The following FHIT variants were observed in gnomAD, a reference collection of about 807,000 sequenced individuals.
FHIT encodes the protein bis(5'-adenosyl)-triphosphatase.
FHIT carries 19 observed loss-of-function variants against 17.9 expected under a neutral mutation model. That is an observed-to-expected ratio of 1.06 (90% confidence interval 0.74 to 1.56). FHIT has a LOEUF of 1.56. Ranked by LOEUF, FHIT falls within the 40% of genes most tolerant of loss-of-function variation. FHIT has a pLI of 0.00. For missense variants in FHIT, 248 were observed against 189.2 expected (o/e 1.31, Z -1.82); for synonymous variants, 81 against 69.7 (o/e 1.16, Z -0.81).
Position 60,155,779 on chromosome 3 carries a change from C to A in FHIT, c.104-141627G>T, listed in dbSNP as rs189086963. 2.6e-5 allele frequency among the ~76,000 whole-genome samples: 4 copies of A among 152,194 alleles called. No homozygotes were observed. In the East Asian group the frequency reaches 5.8e-4, roughly 22 times the overall value. On this transcript the variant is annotated intron_variant, in intron 5 of 9. Transcript: ENST00000492590. ...TTGCTGTTTGTGATTTGTGGAGAAT[C>A]GCAGAAGTGAAAAGTAACAAACACA...
At chr3:60,355,538 T>C (rs1051091098) in intron 5 of FHIT, among the ~76,000 whole-genome samples, 3 of 151,866 alleles carry the variant, frequency 2.0e-5, no homozygotes, top group African/African-American at 7.2e-5. Context: ...AAAGGCTGCA[T>C]ACAATTTTTA....
chr3:60,064,925 T>G (rs865822977), intron 5 of FHIT, among the ~76,000 whole-genome samples: 2 of 152,166 alleles, frequency 1.3e-5, no homozygotes, highest in Admixed American at 6.5e-5. Flanking sequence ...AATTGACACT[T>G]AAAGATATAA....
At chr3:60,553,325 C>G in intron 4 of FHIT, 1 of 792,128 alleles carries the variant, frequency 1.3e-6, no homozygotes, top group Non-Finnish European at 1.5e-6. Flanking sequence ...TTCTAAGAAA[C>G]CTACCTATGA....
intron 2 of FHIT, among the ~76,000 whole-genome samples, chr3:61,195,011 G>T (rs534773926): frequency 1.4e-5 from 2 of 147,910 alleles, no homozygotes; most frequent in Admixed American, 6.7e-5. Flanking sequence ...GGTGGTTAGT[G>T]GGGGGTGTGA....
At chr3:60,400,931 A>AG (rs1701634123) in intron 5 of FHIT, among the ~76,000 whole-genome samples, 1 of 152,162 alleles carries the variant, frequency 6.6e-6, no homozygotes, top group Non-Finnish European at 1.5e-5. Flanking sequence ...TTAAAAAAAA[A>AG]AATTAGACAA....
chr3:61,023,025 T>C (rs2032538515), intron 3 of FHIT, among the ~76,000 whole-genome samples: 2 of 152,138 alleles, frequency 1.3e-5, no homozygotes, highest in Non-Finnish European at 2.9e-5. Context: ...ATAAAGCATA[T>C]TCAAATAGGA....
At chr3:59,976,865 A>T (rs1410831969) in intron 7 of FHIT, among the ~76,000 whole-genome samples, 1 of 152,114 alleles carries the variant, frequency 6.6e-6, no homozygotes, top group Non-Finnish European at 1.5e-5. Flanking sequence ...GAGGTCAGAG[A>T]ACTCAAGCAA....
At chr3:60,907,788 C>G (rs1706514218) in intron 3 of FHIT, among the ~76,000 whole-genome samples, 1 of 152,120 alleles carries the variant, frequency 6.6e-6, no homozygotes, top group Non-Finnish European at 1.5e-5. Flanking sequence ...TCAAAGATAA[C>G]TAGCATATTT....
chr3:60,200,027 C>A (rs1702825828), intron 5 of FHIT, among the ~76,000 whole-genome samples: 1 of 152,042 alleles, frequency 6.6e-6, no homozygotes, highest in Non-Finnish European at 1.5e-5. Flanking sequence ...TTTACTAACC[C>A]ACTGTGTGAT....
intron 8 of FHIT, among the ~76,000 whole-genome samples, chr3:59,887,316 G>A (rs984429055): frequency 6.6e-6 from 1 of 152,122 alleles, no homozygotes; most frequent in African/African-American, 2.4e-5. Flanking sequence ...CCATCTTTGG[G>A]CCAAAAGCCT....
At chr3:61,120,888 G>C (rs1040989835) in intron 2 of FHIT, among the ~76,000 whole-genome samples, 4 of 151,924 alleles carry the variant, frequency 2.6e-5, no homozygotes, top group African/African-American at 9.7e-5. Flanking sequence ...AACCAGTTTA[G>C]AGAAAAACAT....
At position 60,270,272 on chromosome 3, in the gene FHIT, C is replaced by G. The variant is rs7614891; in HGVS notation, c.104-256120G>C. ...AACTGCAGTTCTTGCTTGCCTCCCC[C>G]AGTGAGGCTTTGTTGCCCTCTCTCT... is the stretch of plus-strand genomic sequence containing the variant. On this transcript the variant is annotated intron_variant, in intron 5 of 9. Coordinates refer to ENST00000492590, the MANE Select transcript of FHIT (RefSeq NM_002012.4). Among the ~76,000 whole-genome samples, 244 of 152,264 alleles carry G rather than the reference C, an allele frequency of 1.6e-3. 3 individuals carry two copies. Among genetic ancestry groups the G allele is most frequent in the East Asian group, 3.9e-4 (2 of 5,186 alleles).
intron 4 of FHIT, chr3:60,553,441 AAT>A (rs373735298): frequency 8.1e-3 from 3,890 of 479,516 alleles, no homozygotes; most frequent in Non-Finnish European, 9.2e-3. Flanking sequence ...ACTGCTTTAA[AAT>A]ATATATATAT....
chr3:60,965,429 T>C (rs747917344), intron 3 of FHIT, among the ~76,000 whole-genome samples: 2 of 152,256 alleles, frequency 1.3e-5, no homozygotes, highest in Admixed American at 6.5e-5. Context: ...GAAGCCTTCT[T>C]CACTCAACTT....
intron 3 of FHIT, among the ~76,000 whole-genome samples, chr3:60,845,942 C>G (rs181100024): frequency 1.0e-3 from 157 of 152,252 alleles, no homozygotes; most frequent in Middle Eastern, 3.4e-3. Flanking sequence ...GGCAACATAT[C>G]TAAACAAAGG....
rs193030955 is a variant in FHIT at position 60,455,979 on chromosome 3, G to T, written c.103+80881C>A. Among the ~76,000 whole-genome samples, 326 of 152,192 alleles carry T rather than the reference G, an allele frequency of 2.1e-3. 1 individual carries two copies. Among genetic ancestry groups the T allele is most frequent in the Non-Finnish European group, 4.0e-3 (269 of 68,012 alleles). ...ATAAACTGAGTCTAGCAAGTGGTTGGACTCATAATGATTCGATTTCTTTAA... is the reference window on the plus strand; with the variant it reads ...ATAAACTGAGTCTAGCAAGTGGTTGTACTCATAATGATTCGATTTCTTTAA... On this transcript the variant is annotated intron_variant, in intron 5 of 9. Transcript: ENST00000492590.
At chr3:60,677,572 T>C (rs965241115) in intron 4 of FHIT, among the ~76,000 whole-genome samples, 1 of 152,172 alleles carries the variant, frequency 6.6e-6, no homozygotes, top group Non-Finnish European at 1.5e-5. Context: ...TGTATGTATA[T>C]ATGTGTATAT....
rs529328691 is a variant in FHIT at position 60,583,300 on chromosome 3, G to A, written c.-17-46321C>T. On this transcript the variant is annotated intron_variant, in intron 4 of 9. Transcript: ENST00000492590. Reference sequence around the variant, plus strand: ...TCCCATTGCTATGTCTTCAGCCGCTGTACAGAACCTTGGACTAGCTGGTCA... The same window carrying A: ...TCCCATTGCTATGTCTTCAGCCGCTATACAGAACCTTGGACTAGCTGGTCA... Among the ~76,000 whole-genome samples the A allele has an allele frequency of 8.5e-5, 13 of 152,054 alleles. No individual in the cohort carries two copies. In the South Asian group the frequency reaches 2.3e-3, roughly 27 times the overall value.
At chr3:59,978,539 G>A (rs1708512018) in intron 7 of FHIT, among the ~76,000 whole-genome samples, 1 of 151,416 alleles carries the variant, frequency 6.6e-6, no homozygotes. Flanking sequence ...CTAGCTAGTG[G>A]CCATCTCTTT....
Sources: allele counts gnomAD v4.1 joint callset (sites outside exome capture counted in the v4.1 genomes callset), GRCh38; gene constraint gnomAD v4.1.1; transcripts MANE v1.5; gene names NCBI Gene and HGNC (gene_info 2026-07-23, HGNC 2026-07-21).